The following SORCS1 variants were observed in gnomAD, a reference collection of about 807,000 sequenced individuals.
The protein encoded by SORCS1 is VPS10 domain-containing receptor SorCS1.
A neutral mutation model predicts 146.1 loss-of-function variants in SORCS1; 60 were observed. The observed-to-expected ratio is 0.41, with a 90% CI of 0.33 to 0.51. SORCS1 has a LOEUF of 0.51. Among genes scored for constraint, SORCS1 ranks in the 20% least tolerant of loss-of-function variants. SORCS1 has a pLI of 0.21. For synonymous variants in SORCS1, 637 were observed against 584.0 expected, an observed-to-expected ratio of 1.09 and a Z score of -1.31; for missense variants, 1,352 against 1,487.6, an observed-to-expected ratio of 0.91 and a Z score of 1.50.
chr10:107,098,435 T>C (rs1029713337), intron 1 of SORCS1, among the ~76,000 whole-genome samples: 1 of 152,200 alleles, frequency 6.6e-6, no homozygotes, highest in Non-Finnish European at 1.5e-5. Context: ...ATTGCCTAAA[T>C]CAATAATTGT....
Position 106,575,792 on chromosome 10 carries a change from T to G in SORCS1, c.*1628A>C, listed in dbSNP as rs756674887. 7 of 152,674 alleles carry G rather than the reference T, an allele frequency of 4.6e-5. No homozygotes were observed. Among genetic ancestry groups the G allele is most frequent in the African/African-American group, 1.2e-4 (5 of 41,458 alleles). 9.5% of individuals were successfully genotyped at this position (152,674 alleles called of 1,614,324 possible). On this transcript the variant is annotated 3_prime_UTR_variant, in exon 26 of 26. Transcript: ENST00000263054. ...AAGACCCCCATTTATTCTCTCAGAC[T>G]GTTTGACACTCTTAAACACAAAGTC...
intron 3 of SORCS1, among the ~76,000 whole-genome samples, chr10:106,818,168 G>A (rs772297518): frequency 2.0e-5 from 3 of 152,046 alleles, no homozygotes; most frequent in Admixed American, 6.6e-5. Flanking sequence ...TTCATCAATA[G>A]TTCTGACTGG....
intron 2 of SORCS1, among the ~76,000 whole-genome samples, chr10:106,934,820 C>A (rs991561130): frequency 5.3e-5 from 8 of 152,042 alleles, no homozygotes; most frequent in African/African-American, 1.4e-4. Context: ...AATGGAAAAC[C>A]AATTACCATA....
At chr10:106,913,172 A>C (rs1952248632) in intron 2 of SORCS1, among the ~76,000 whole-genome samples, 1 of 152,078 alleles carries the variant, frequency 6.6e-6, no homozygotes, top group Non-Finnish European at 1.5e-5. Flanking sequence ...TTCTCTTCAG[A>C]GTGAGAAAAA....
At chr10:106,981,168 C>T (rs1293023359) in intron 1 of SORCS1, among the ~76,000 whole-genome samples, 1 of 152,102 alleles carries the variant, frequency 6.6e-6, no homozygotes, top group Non-Finnish European at 1.5e-5. Flanking sequence ...AACACTTACC[C>T]CTCCCTCCAG....
intron 3 of SORCS1, among the ~76,000 whole-genome samples, chr10:106,820,367 C>T (rs1564697303): frequency 6.6e-6 from 1 of 152,122 alleles, no homozygotes; most frequent in Non-Finnish European, 1.5e-5. Flanking sequence ...AAGTACTTGA[C>T]TTGAAAGGTT....
chr10:106,616,518 A>G (rs1847373054), intron 21 of SORCS1, among the ~76,000 whole-genome samples: 1 of 152,146 alleles, frequency 6.6e-6, no homozygotes, highest in Non-Finnish European at 1.5e-5. Flanking sequence ...ATGCATTCCC[A>G]GCACCCAGAA....
chr10:107,066,871 G>T (rs1473756966), intron 1 of SORCS1, among the ~76,000 whole-genome samples: 1 of 152,136 alleles, frequency 6.6e-6, no homozygotes, highest in Non-Finnish European at 1.5e-5. Context: ...AGCCATAGTT[G>T]GGCCCTCTGT....
intron 3 of SORCS1, among the ~76,000 whole-genome samples, chr10:106,780,804 C>A (rs12247629): frequency 0.047 from 7,106 of 152,222 alleles, 263 homozygotes; most frequent in East Asian, 0.11. Context: ...ACTGCACCTG[C>A]AGATGAATTG....
At chr10:107,072,145 A>G (rs1026428723) in intron 1 of SORCS1, among the ~76,000 whole-genome samples, 1 of 152,160 alleles carries the variant, frequency 6.6e-6, no homozygotes, top group African/African-American at 2.4e-5. Flanking sequence ...CAGGAAGGAG[A>G]CAGGGAGCAA....
At chr10:107,079,326 C>A (rs909158937) in intron 1 of SORCS1, among the ~76,000 whole-genome samples, 1 of 152,040 alleles carries the variant, frequency 6.6e-6, no homozygotes, top group Admixed American at 6.6e-5. Flanking sequence ...TGGAAGAGTT[C>A]CATGGATGTG....
intron 6 of SORCS1, among the ~76,000 whole-genome samples, chr10:106,726,364 A>G (rs974662646): frequency 7.6e-6 from 1 of 132,242 alleles, no homozygotes; most frequent in Non-Finnish European, 1.5e-5. Flanking sequence ...CTTCGCAAAA[A>G]AAAAAAAAAA....
chr10:106,599,337 C>T (rs1303247202), intron 23 of SORCS1, among the ~76,000 whole-genome samples: 1 of 149,160 alleles, frequency 6.7e-6, no homozygotes, highest in African/African-American at 2.5e-5. Context: ...CACTGCACTC[C>T]AGCCTCAGAG....
intron 5 of SORCS1, among the ~76,000 whole-genome samples, chr10:106,742,051 A>G (rs1043494900): frequency 9.2e-5 from 14 of 152,280 alleles, no homozygotes; most frequent in Non-Finnish European, 1.5e-4. Flanking sequence ...GCCCTCAAAT[A>G]CTTCAACTGA....
At position 106,683,198 on chromosome 10, in the gene SORCS1, A is replaced by G. The variant is rs144166113; in HGVS notation, c.1561-3464T>C. The stretch of plus-strand genomic sequence containing the variant: ...TCTTTGCCTGATTCTTTTAACCAAT[A>G]AAATACTTTGGCTATTCCAAGTGTT... On this transcript the variant is annotated intron_variant, in intron 10 of 25. Coordinates refer to ENST00000263054, the MANE Select transcript of SORCS1 (RefSeq NM_052918.5). 5.3e-3 allele frequency among the ~76,000 whole-genome samples: 806 copies of G among 152,332 alleles called. 8 individuals carry two copies. The highest frequency in any genetic ancestry group is 0.018 in the African/African-American group (754 of 41,570).
At chr10:106,633,957 A>C (rs2133610523) in intron 18 of SORCS1, among the ~76,000 whole-genome samples, 1 of 152,294 alleles carries the variant, frequency 6.6e-6, no homozygotes, top group South Asian at 2.1e-4. Context: ...GTTGAATATT[A>C]GGTCTTCTTG....
chr10:106,988,662 C>G (rs1242148706), intron 1 of SORCS1, among the ~76,000 whole-genome samples: 1 of 151,914 alleles, frequency 6.6e-6, no homozygotes, highest in African/African-American at 2.4e-5. Flanking sequence ...TGGGAATTGG[C>G]AGAGTAGGAA....
intron 8 of SORCS1, among the ~76,000 whole-genome samples, chr10:106,704,324 C>T (rs992325978): frequency 2.0e-5 from 3 of 152,142 alleles, no homozygotes; most frequent in African/African-American, 7.2e-5. Context: ...CCTTGAGAGT[C>T]AGGAGACTTG....
At chr10:106,815,481 G>C (rs931650879) in intron 3 of SORCS1, among the ~76,000 whole-genome samples, 4 of 152,158 alleles carry the variant, frequency 2.6e-5, no homozygotes, top group Non-Finnish European at 5.9e-5. Flanking sequence ...GCAAAACTTT[G>C]TATTTATAAT....
Sources: allele counts gnomAD v4.1 joint callset (sites outside exome capture counted in the v4.1 genomes callset), GRCh38; gene constraint gnomAD v4.1.1; transcripts MANE v1.5; gene names NCBI Gene and HGNC (gene_info 2026-07-23, HGNC 2026-07-21).